The following ITGA8 variants were observed in gnomAD, a reference collection of about 807,000 sequenced individuals.
The protein encoded by ITGA8 is integrin subunit alpha 8.
A neutral mutation model predicts 142.3 loss-of-function variants in ITGA8; 91 were observed. That is an observed-to-expected ratio of 0.64 (90% CI 0.54 to 0.76). The LOEUF is 0.76. ITGA8 is among the 30% of genes least tolerant of loss of function. The probability of loss-of-function intolerance (pLI) is 0.00; values close to 1 mark genes in which losing one functional copy is unlikely to be tolerated. For missense variants in ITGA8, 1,406 were observed against 1,327.7 expected, an observed-to-expected ratio of 1.06 and a Z score of -0.92; for synonymous variants, 505 against 485.2, an observed-to-expected ratio of 1.04 and a Z score of -0.54.
At chr10:15,671,688 A>G in intron 7 of ITGA8, 41 bp from the exon 8 acceptor site, 1 of 1,502,724 alleles carries the variant, frequency 6.7e-7, no homozygotes, top group Non-Finnish European at 9.3e-7. Context: ...ACACTTAATG[A>G]CTTAACCTAA....
Position 15,658,239 on chromosome 10 carries a change from T to A in ITGA8, c.948+760A>T, listed in dbSNP as rs1360793532. On this transcript the variant is annotated intron_variant, in intron 10 of 29. Coordinates refer to ENST00000378076, the MANE Select transcript of ITGA8 (RefSeq NM_003638.3). ...CTCACACAGTTCATGAGCGGTGCGG[T>A]GGGAACTGGAAGTCTAATCTGTCAG... Among the ~76,000 whole-genome samples the A allele has an allele frequency of 2.6e-5, 4 of 152,200 alleles. No homozygotes were observed. The South Asian group carries it at 6.2e-4, about 24-fold the overall frequency.
chr10:15,524,566 T>C (rs1833131551), intron 28 of ITGA8, among the ~76,000 whole-genome samples: 1 of 152,190 alleles, frequency 6.6e-6, no homozygotes, highest in Non-Finnish European at 1.5e-5. Context: ...ATGTGACATA[T>C]TCATGTCTCT....
chr10:15,561,668 G>T (rs1833984318), intron 25 of ITGA8, among the ~76,000 whole-genome samples: 1 of 152,166 alleles, frequency 6.6e-6, no homozygotes, highest in South Asian at 2.1e-4. Context: ...GGAGATACTT[G>T]ATGTACCAAA....
intron 8 of ITGA8, among the ~76,000 whole-genome samples, chr10:15,670,431 C>T (rs1834490296): frequency 1.3e-5 from 2 of 152,162 alleles, no homozygotes; most frequent in Non-Finnish European, 2.9e-5. Flanking sequence ...AGTGTGAAGT[C>T]AGAACTTGAA....
chr10:15,599,047 C>G (rs919436918), intron 20 of ITGA8, among the ~76,000 whole-genome samples: 3 of 151,258 alleles, frequency 2.0e-5, no homozygotes, highest in African/African-American at 7.3e-5. Flanking sequence ...CCTCATATGT[C>G]CCTTGAATTA....
At chr10:15,694,294 T>TCA in intron 2 of ITGA8, among the ~76,000 whole-genome samples, 1 of 92,332 alleles carries the variant, frequency 1.1e-5, no homozygotes, top group African/African-American at 4.2e-5. Flanking sequence ...AGATAATATA[T>TCA]CATATATATG....
chr10:15,575,511 G>C lies in ITGA8; in HGVS notation c.2456C>G (p.Pro819Arg). 1.2e-6 allele frequency: 2 copies of C among 1,613,534 alleles called. No individual in the cohort carries two copies. The highest frequency in any genetic ancestry group is 8.5e-7 in the Non-Finnish European group (1 of 1,179,520). Residue 819 changes from proline to arginine, a missense_variant, in exon 24 of 30, where the codon CCA becomes CGA. Coordinates refer to ENST00000378076, the MANE Select transcript of ITGA8 (RefSeq NM_003638.3). ...EEPHKEEEVGPLVEHIYELHN... is the reference protein window; with the variant it reads ...EEPHKEEEVGRLVEHIYELHN... ...TACCTCATAAATATGTTCCACCAAT[G>C]GTCCAACCTCCTCCTCTTTGTGGGG... is the stretch of plus-strand genomic sequence containing the variant.
At chr10:15,687,855 A>G in intron 3 of ITGA8, 83 bp downstream of exon 3, 2 of 825,840 alleles carry the variant, frequency 2.4e-6, no homozygotes, top group South Asian at 1.5e-5. Context: ...TTTAGGAAAG[A>G]GCTTTCCTAA....
intron 8 of ITGA8, among the ~76,000 whole-genome samples, chr10:15,668,185 T>G (rs989538635): frequency 2.6e-5 from 4 of 152,220 alleles, no homozygotes; most frequent in African/African-American, 9.7e-5. Context: ...AGGACTTGCT[T>G]TATGAATCTG....
intron 25 of ITGA8, among the ~76,000 whole-genome samples, chr10:15,560,851 C>T (rs1833961671): frequency 6.6e-6 from 1 of 151,928 alleles, no homozygotes; most frequent in Non-Finnish European, 1.5e-5. Context: ...GGAAGTTTTG[C>T]TTATTTCTTT....
intron 28 of ITGA8, among the ~76,000 whole-genome samples, chr10:15,529,040 T>C (rs1833238364): frequency 6.7e-6 from 1 of 149,000 alleles, no homozygotes; most frequent in African/African-American, 2.5e-5. Context: ...TCCCTTCCTT[T>C]CTCCTTCCTT....
intron 28 of ITGA8, among the ~76,000 whole-genome samples, chr10:15,521,274 T>TG (rs1279926035): frequency 5.3e-5 from 8 of 152,118 alleles, no homozygotes; most frequent in African/African-American, 1.9e-4. Context: ...TCCACCCGCC[T>TG]CGGCCTCCCA....
At chr10:15,626,937 C>A (rs552450353) in intron 13 of ITGA8, among the ~76,000 whole-genome samples, 4 of 152,056 alleles carry the variant, frequency 2.6e-5, no homozygotes, top group Non-Finnish European at 5.9e-5. Flanking sequence ...GGCAGCCTTG[C>A]GATTGACGGA....
At position 15,517,179 on chromosome 10, in the gene ITGA8, A is replaced by T. The variant is rs758320081; in HGVS notation, c.3171T>A (p.Asn1057Lys). 2.0e-5 allele frequency: 33 copies of T among 1,612,408 alleles called. No homozygotes were observed. The highest frequency in any genetic ancestry group is 2.6e-5 in the Non-Finnish European group (31 of 1,179,344). ...EDMTDREQLTNDKTPEA is the reference protein window; with the variant it reads ...EDMTDREQLTKDKTPEA The stretch of plus-strand genomic sequence containing the variant: ...CTTGTCATGCCTCAGGGGTCTTGTC[A>T]TTTGTCAGCTGTTCCCTGTCGGTCA... Residue 1057 changes from asparagine (N) to lysine (K), a missense_variant, in exon 30 of 30, where the codon AAT becomes AAA. Asn to Lys is a moderately conservative substitution (Grantham distance 94). Transcript: ENST00000378076.
intron 28 of ITGA8, among the ~76,000 whole-genome samples, chr10:15,525,875 T>A (rs1833164851): frequency 6.6e-6 from 1 of 152,176 alleles, no homozygotes; most frequent in African/African-American, 2.4e-5. Context: ...TACATTTTTT[T>A]ACTAAGTCTC....
At position 15,607,763 on chromosome 10, in the gene ITGA8, C is replaced by T; in HGVS notation, c.1678G>A (p.Asp560Asn). ...AAGACGCGATGAGCCTGATGGTTATCAAGGAAGAGCGTCCGTTTAATAGCT... is the reference window on the plus strand; with the variant it reads ...AAGACGCGATGAGCCTGATGGTTATTAAGGAAGAGCGTCCGTTTAATAGCT... The part of the protein sequence containing the change: ...KGAIKRTLFL[D>N]NHQAHRVFPL... Residue 560 changes from aspartate to asparagine, a missense_variant, in exon 17 of 30, where the codon GAT becomes AAT. Asp to Asn is a conservative substitution (Grantham distance 23). Coordinates refer to ENST00000378076, the MANE Select transcript of ITGA8 (RefSeq NM_003638.3). 6.2e-7 allele frequency: 1 copy of T among 1,612,770 alleles called. No homozygotes were observed. Among genetic ancestry groups the T allele is most frequent in the East Asian group, 2.2e-5 (1 of 44,866 alleles).
At chr10:15,662,050 A>G (rs1834297631) in intron 8 of ITGA8, among the ~76,000 whole-genome samples, 1 of 152,170 alleles carries the variant, frequency 6.6e-6, no homozygotes, top group Admixed American at 6.5e-5. Flanking sequence ...AACTTTTCCC[A>G]TCCCACAAAC....
intron 15 of ITGA8, 193 bp downstream of exon 15, chr10:15,613,467 C>T: frequency 3.4e-6 from 2 of 582,416 alleles, no homozygotes; most frequent in East Asian, 5.8e-5. Context: ...CATAGGTTCT[C>T]TTGAAAGACT....
intron 27 of ITGA8, among the ~76,000 whole-genome samples, chr10:15,532,986 T>C (rs1354544912): frequency 2.0e-5 from 3 of 152,186 alleles, no homozygotes; most frequent in Non-Finnish European, 4.4e-5. Context: ...AGCTCTGTAT[T>C]CCGTGACGAT....
Sources: gnomAD v4.1 joint callset for allele counts (sites outside exome capture counted in the v4.1 genomes callset) on GRCh38, gnomAD v4.1.1 for gene constraint, MANE v1.5 for transcripts, NCBI Gene and HGNC (gene_info 2026-07-23, HGNC 2026-07-21) for gene names.